The following SPG11 variants were observed in gnomAD, a reference collection of about 807,000 sequenced individuals.
SPG11 encodes SPG11 vesicle trafficking associated, spatacsin, also known as spatacsin.
In SPG11, 222 loss-of-function variants were observed where a neutral mutation model predicts 274.0. The ratio of observed to expected loss-of-function variants is 0.81; its 90% CI spans 0.73 to 0.91. The LOEUF (loss-of-function observed/expected upper bound fraction) is 0.91, where lower values mean the gene tolerates loss of function less well. Among genes scored for constraint, SPG11 ranks in the 40% least tolerant of loss-of-function variants. The pLI, the probability that SPG11 is intolerant of heterozygous loss-of-function variation, is 0.00. For missense variants in SPG11, 3,114 were observed against 2,872.7 expected (o/e 1.08, Z -1.92); for synonymous variants, 1,144 against 1,039.7 (o/e 1.10, Z -1.93).
Position 44,573,559 on chromosome 15 carries a change from A to G in SPG11, c.6193T>C (p.Ser2065Pro), listed in dbSNP as rs568406743. The G allele has an allele frequency of 6.6e-5, 106 of 1,614,146 alleles. No homozygotes were observed. The East Asian group carries it at 1.4e-3, about 21-fold the overall frequency. The change falls in exon 32 of 40, where the codon TCA (serine) becomes CCA (proline). Residue 2065 changes from serine to proline, a missense_variant. Coordinates refer to ENST00000261866, the MANE Select transcript of SPG11 (RefSeq NM_025137.4). ...GGGGGTAGGGCACCTGTTCCCTGTG[A>G]TGAAGTAAGCAGCTCCCGTGTCACC... ...EEVTRELLTSSQGTGHKQMFN... is the reference protein window; with the variant it reads ...EEVTRELLTSPQGTGHKQMFN...
intron 18 of SPG11, 74 bp downstream of exon 18, chr15:44,610,766 G>A: frequency 7.6e-7 from 1 of 1,319,466 alleles, no homozygotes; most frequent in Admixed American, 1.7e-5. Context: ...TATCAGCTGA[G>A]ATCTAGACAA....
chr15:44,606,083 T>C lies in SPG11; in HGVS notation c.3462A>G (p.Ser1154=). Residue 1154 remains serine, a synonymous_variant, in exon 20 of 40, where the codon TCA becomes TCG. Coordinates refer to ENST00000261866, the MANE Select transcript of SPG11 (RefSeq NM_025137.4). Reference sequence around the variant, plus strand: ...CAAACAATCTGCTAGGATCAAAGGGTGATAATGACTGAAAAAGGGGAAAAG... The same window carrying C: ...CAAACAATCTGCTAGGATCAAAGGGCGATAATGACTGAAAAAGGGGAAAAG... ...ITIYHLIQSL[S]PFDPSRLFGW... is the part of the protein sequence containing the mutation. The C allele has an allele frequency of 6.2e-7, 1 of 1,613,560 alleles. No homozygotes were observed. The highest frequency in any genetic ancestry group is 8.5e-7 in the Non-Finnish European group (1 of 1,179,710).
intron 28 of SPG11, 138 bp from the exon 29 acceptor site, chr15:44,585,988 T>C (rs1002493567): frequency 1.5e-6 from 1 of 647,868 alleles, no homozygotes; most frequent in Admixed American, 3.2e-5. Flanking sequence ...AAGCTGTTTT[T>C]TTTTTTTTTT....
chr15:44,609,189 T>C (rs1211140934), intron 18 of SPG11, among the ~76,000 whole-genome samples: 1 of 152,042 alleles, frequency 6.6e-6, no homozygotes, highest in Non-Finnish European at 1.5e-5. Context: ...TGGAGTGCAA[T>C]GGCGCGATCT....
intron 30 of SPG11, among the ~76,000 whole-genome samples, chr15:44,576,865 C>T (rs1052608628): frequency 1.6e-4 from 25 of 151,854 alleles, no homozygotes; most frequent in African/African-American, 3.1e-4. Flanking sequence ...CTCACTCTGT[C>T]GCCCAGGCTA....
chr15:44,660,422 A>G lies in SPG11; in HGVS notation c.442+10T>C, dbSNP rs767351533. 2 of 1,611,364 alleles carry G rather than the reference A, an allele frequency of 1.2e-6. No homozygotes were observed. Among genetic ancestry groups the G allele is most frequent in the Admixed American group, 3.3e-5 (2 of 60,024 alleles). On this transcript the variant is annotated intron_variant, in intron 2 of 39. Coordinates refer to ENST00000261866, the MANE Select transcript of SPG11 (RefSeq NM_025137.4). The stretch of plus-strand genomic sequence containing the variant: ...TTAAATATGCTGAAAGACCACCTGT[A>G]GATACTTACTGATATCTTGATCGTC...
At chr15:44,603,362 G>C (rs906220289) in intron 20 of SPG11, among the ~76,000 whole-genome samples, 1 of 152,100 alleles carries the variant, frequency 6.6e-6, no homozygotes, top group Admixed American at 6.6e-5. Flanking sequence ...TGAGTGTTAG[G>C]ATTACAGGCA....
chr15:44,595,584 G>T, intron 25 of SPG11, 125 bp from the exon 26 acceptor site: 2 of 1,067,088 alleles, frequency 1.9e-6, no homozygotes, highest in South Asian at 1.4e-5. Flanking sequence ...GGCTTGAAAA[G>T]CCTTCAAACA....
At chr15:44,594,942 G>A (rs1218653076) in intron 26 of SPG11, among the ~76,000 whole-genome samples, 1 of 152,100 alleles carries the variant, frequency 6.6e-6, no homozygotes, top group Non-Finnish European at 1.5e-5. Flanking sequence ...TCAGCCTCCT[G>A]AGTAGCTGGG....
chr15:44,577,817 A>C (rs2082571951), intron 30 of SPG11, among the ~76,000 whole-genome samples: 1 of 152,034 alleles, frequency 6.6e-6, no homozygotes, highest in South Asian at 2.1e-4. Flanking sequence ...AAAACCTAAG[A>C]ACTAAGGGCT....
intron 7 of SPG11, among the ~76,000 whole-genome samples, chr15:44,639,668 C>T (rs577641868): frequency 1.1e-4 from 16 of 151,902 alleles, no homozygotes; most frequent in African/African-American, 3.9e-4. Context: ...TGCCACTGCA[C>T]TCCATCCTAG....
chr15:44,625,376 T>A (rs1207314765), intron 11 of SPG11, among the ~76,000 whole-genome samples: 1 of 152,126 alleles, frequency 6.6e-6, no homozygotes, highest in African/African-American at 2.4e-5. Flanking sequence ...ACCCCCAATG[T>A]TGGAGGAGGG....
rs115660359 is a variant in SPG11 at position 44,565,385 on chromosome 15, T to C, written c.6999+469A>G. 6.3e-3 allele frequency among the ~76,000 whole-genome samples: 961 copies of C among 152,310 alleles called. 10 individuals carry two copies. Among genetic ancestry groups the C allele is most frequent in the African/African-American group, 0.021 (887 of 41,568 alleles). On this transcript the variant is annotated intron_variant, in intron 38 of 39. Coordinates refer to ENST00000261866, the MANE Select transcript of SPG11 (RefSeq NM_025137.4). Reference sequence around the variant, plus strand: ...CGGGATGAAAATGTTCCACCTCAGATCATCAGGCATTAGATTTTCATAAGA... The same window carrying C: ...CGGGATGAAAATGTTCCACCTCAGACCATCAGGCATTAGATTTTCATAAGA...
At chr15:44,654,899 G>A (rs1334405014) in intron 4 of SPG11, among the ~76,000 whole-genome samples, 1 of 152,166 alleles carries the variant, frequency 6.6e-6, no homozygotes, top group African/African-American at 2.4e-5. Context: ...CTTACGGACT[G>A]TACATGATAC....
chr15:44,657,351 A>G, intron 3 of SPG11, 55 bp from the exon 4 acceptor site: 1 of 1,529,360 alleles, frequency 6.5e-7, no homozygotes, highest in Non-Finnish European at 9.0e-7. Flanking sequence ...CTAACTATTT[A>G]AAGCACAGGT....
At chr15:44,620,135 TCTTGCTCTTCC>T (rs774779562) in intron 15 of SPG11, 44 bp downstream of exon 15, 12 of 1,361,310 alleles carry the variant, frequency 8.8e-6, no homozygotes, top group African/African-American at 2.9e-5. Flanking sequence ...CATTATTTTT[TCTTGCTCTTCC>T]CTTGTATTCT....
intron 6 of SPG11, among the ~76,000 whole-genome samples, chr15:44,649,436 T>A (rs1434528380): frequency 1.3e-5 from 2 of 152,178 alleles, no homozygotes; most frequent in Non-Finnish European, 2.9e-5. Context: ...TTTCACTTTG[T>A]TTCCCAGGCT....
chr15:44,586,471 G>A (rs1427499374), intron 28 of SPG11, among the ~76,000 whole-genome samples: 4 of 151,640 alleles, frequency 2.6e-5, no homozygotes, highest in South Asian at 4.2e-4. Flanking sequence ...GTGAAACCCC[G>A]TCTCTACTAA....
At chr15:44,596,575 T>C (rs2083044611) in intron 24 of SPG11, among the ~76,000 whole-genome samples, 1 of 150,530 alleles carries the variant, frequency 6.6e-6, no homozygotes, top group African/African-American at 2.5e-5. Context: ...ACTAGTGCCT[T>C]GTCTGATGCC....
Sources: allele counts gnomAD v4.1 joint callset (sites outside exome capture counted in the v4.1 genomes callset), GRCh38; gene constraint gnomAD v4.1.1; transcripts MANE v1.5; gene names NCBI Gene and HGNC (gene_info 2026-07-23, HGNC 2026-07-21).